VGLL4: variants seen among roughly 807,000 people sequenced by gnomAD.
The protein encoded by VGLL4 is vestigial like family member 4.
In VGLL4, 7 loss-of-function variants were observed where a neutral mutation model predicts 21.0. The observed-to-expected ratio is 0.33, with a 90% confidence interval of 0.19 to 0.63. The LOEUF (loss-of-function observed/expected upper bound fraction) is 0.63, where lower values mean the gene tolerates loss of function less well. Among genes scored for constraint, VGLL4 ranks in the 20% least tolerant of loss-of-function variants. The probability of loss-of-function intolerance (pLI) is 0.78; values close to 1 mark genes in which losing one functional copy is unlikely to be tolerated. For missense variants in VGLL4, 394 were observed against 425.7 expected, an observed-to-expected ratio of 0.93 and a Z score of 0.66; for synonymous variants, 222 against 173.2, an observed-to-expected ratio of 1.28 and a Z score of -2.21.
intron 1 of VGLL4, among the ~76,000 whole-genome samples, chr3:11,704,068 AC>A (rs2076721927): frequency 6.6e-6 from 1 of 151,240 alleles, no homozygotes; most frequent in Admixed American, 6.6e-5. Flanking sequence ...ACATGGTGAA[AC>A]CCCATCTCTA....
upstream of VGLL4, among the ~76,000 whole-genome samples, chr3:11,647,730 C>T (rs181295526): frequency 3.3e-5 from 5 of 152,192 alleles, no homozygotes; most frequent in East Asian, 9.7e-4. Flanking sequence ...GCCTTCCTCA[C>T]CTTTTCGAGG....
At chr3:11,587,520 A>G (rs2074388535) in intron 2 of VGLL4, among the ~76,000 whole-genome samples, 1 of 152,240 alleles carries the variant, frequency 6.6e-6, no homozygotes, top group Non-Finnish European at 1.5e-5. Flanking sequence ...AAAATAAAAT[A>G]AACGCAACAA....
rs2075707336 is a variant in VGLL4 at position 11,642,252 on chromosome 3, G to C, written c.82+1185C>G. On this transcript the variant is annotated intron_variant, in intron 1 of 4. Coordinates refer to ENST00000430365, the MANE Select transcript of VGLL4 (RefSeq NM_001128219.3). ...AAAACAAATACTCTTTTTAAAAAAC[G>C]TTAAATATGAGATCCTCATCCATAG... 2.0e-5 allele frequency among the ~76,000 whole-genome samples: 3 copies of C among 152,066 alleles called. No homozygotes were observed. In the South Asian group the frequency reaches 6.2e-4, roughly 32 times the overall value.
intron 2 of VGLL4, among the ~76,000 whole-genome samples, chr3:11,686,396 A>C (rs1306749278): frequency 2.0e-5 from 3 of 152,236 alleles, no homozygotes; most frequent in African/African-American, 4.8e-5. Context: ...TGGTAAATGA[A>C]GTCAGTCAGT....
At chr3:11,606,884 C>T (rs1237394657) in intron 1 of VGLL4, among the ~76,000 whole-genome samples, 1 of 152,176 alleles carries the variant, frequency 6.6e-6, no homozygotes, top group Non-Finnish European at 1.5e-5. Flanking sequence ...CTTGCTGCTG[C>T]TCACTCTTTG....
intron 2 of VGLL4, among the ~76,000 whole-genome samples, chr3:11,695,786 T>A (rs916531393): frequency 3.3e-5 from 5 of 152,182 alleles, no homozygotes; most frequent in African/African-American, 9.6e-5. Context: ...CTCTTATGGA[T>A]GAAAATGCAC....
At chr3:11,573,962 A>AG (rs1036458827) in intron 2 of VGLL4, among the ~76,000 whole-genome samples, 9 of 152,148 alleles carry the variant, frequency 5.9e-5, no homozygotes, top group Non-Finnish European at 8.8e-5. Context: ...ACACATACGG[A>AG]GGGAAGAAGA....
intron 1 of VGLL4, among the ~76,000 whole-genome samples, chr3:11,708,938 C>A (rs2076799248): frequency 6.6e-6 from 1 of 151,904 alleles, no homozygotes; most frequent in South Asian, 2.1e-4. Context: ...GGTGATGGCA[C>A]CGGTAATCCC....
chr3:11,640,534 G>C (rs1258148091), intron 1 of VGLL4, among the ~76,000 whole-genome samples: 1 of 152,190 alleles, frequency 6.6e-6, no homozygotes, highest in African/African-American at 2.4e-5. Context: ...CATTAGTGAA[G>C]GGAATTAGTT....
chr3:11,562,141 G>A (rs2073077079), intron 3 of VGLL4, among the ~76,000 whole-genome samples: 1 of 151,892 alleles, frequency 6.6e-6, no homozygotes, highest in Non-Finnish European at 1.5e-5. Context: ...CAAGTGATCC[G>A]CCGCCTCAAC....
chr3:11,627,185 C>T (rs923334581), intron 1 of VGLL4: 1 of 146,696 alleles, frequency 6.8e-6, no homozygotes, highest in African/African-American at 2.6e-5. Flanking sequence ...AAGGAGTAAG[C>T]ACTGTGTTTG....
intron 2 of VGLL4, among the ~76,000 whole-genome samples, chr3:11,668,556 C>T (rs2076159993): frequency 1.3e-5 from 2 of 152,192 alleles, no homozygotes; most frequent in Admixed American, 1.3e-4. Context: ...TTGAGAAGGA[C>T]AGGCCTATCC....
intron 1 of VGLL4, among the ~76,000 whole-genome samples, chr3:11,715,481 C>T (rs1001873520): frequency 9.2e-5 from 14 of 151,946 alleles, no homozygotes; most frequent in Non-Finnish European, 1.6e-4. Context: ...TCACAGGTGC[C>T]CACCACCATG....
At chr3:11,713,983 T>C (rs960834866) in intron 1 of VGLL4, among the ~76,000 whole-genome samples, 2 of 152,130 alleles carry the variant, frequency 1.3e-5, no homozygotes, top group Non-Finnish European at 2.9e-5. Context: ...GGTACGATAC[T>C]TAGTCATCAC....
At chr3:11,681,963 AT>A (rs1161899094) in intron 2 of VGLL4, among the ~76,000 whole-genome samples, 3 of 152,244 alleles carry the variant, frequency 2.0e-5, no homozygotes, top group Non-Finnish European at 4.4e-5. Flanking sequence ...ACAGTTAAAA[AT>A]GATACGGGAT....
At chr3:11,657,307 T>G (rs977210190) in intron 2 of VGLL4, among the ~76,000 whole-genome samples, 1 of 152,132 alleles carries the variant, frequency 6.6e-6, no homozygotes, top group Non-Finnish European at 1.5e-5. Flanking sequence ...GAATGTCATG[T>G]TTTATAGAAT....
intron 1 of VGLL4, among the ~76,000 whole-genome samples, chr3:11,639,651 TTA>T (rs1187571919): frequency 6.6e-6 from 1 of 152,206 alleles, no homozygotes; most frequent in Non-Finnish European, 1.5e-5. Flanking sequence ...GGCGGGCGGA[TTA>T]CCTGAGATCA....
At chr3:11,627,619 T>A (rs13433679) in intron 1 of VGLL4, among the ~76,000 whole-genome samples, 278 of 139,216 alleles carry the variant, frequency 2.0e-3, no homozygotes, top group African/African-American at 7.3e-3. Flanking sequence ...AAAAAAAAAA[T>A]CAATGTTCTG....
intron 2 of VGLL4, among the ~76,000 whole-genome samples, chr3:11,679,661 C>T (rs1023625056): frequency 2.0e-5 from 3 of 151,726 alleles, no homozygotes; most frequent in Admixed American, 6.6e-5. Flanking sequence ...TCAGCCTGGG[C>T]GACAGAGCAA....
Sources: allele counts gnomAD v4.1 joint callset (sites outside exome capture counted in the v4.1 genomes callset), GRCh38; gene constraint gnomAD v4.1.1; transcripts MANE v1.5; gene names NCBI Gene and HGNC (gene_info 2026-07-23, HGNC 2026-07-21).